RPH3A: variants seen among roughly 807,000 people sequenced by gnomAD.
RPH3A encodes rabphilin-3A.
A neutral mutation model predicts 102.2 loss-of-function variants in RPH3A; 48 were observed. The observed-to-expected ratio is 0.47, with a 90% CI of 0.37 to 0.60. RPH3A has a LOEUF of 0.60. RPH3A is among the 20% of genes least tolerant of loss of function. RPH3A has a pLI of 0.00. For missense variants in RPH3A, 781 were observed against 910.1 expected (o/e 0.86, Z 1.83); for synonymous variants, 310 against 324.3 (o/e 0.96, Z 0.47).
chr12:112,823,743 G>C (rs1302633274), intron 2 of RPH3A, among the ~76,000 whole-genome samples: 2 of 152,092 alleles, frequency 1.3e-5, no homozygotes, highest in African/African-American at 4.8e-5. Flanking sequence ...TTATGACGAT[G>C]GTTTCTCTGT....
intron 1 of RPH3A, among the ~76,000 whole-genome samples, chr12:112,664,673 A>G (rs907951150): frequency 3.9e-5 from 6 of 152,094 alleles, no homozygotes; most frequent in Non-Finnish European, 8.8e-5. Context: ...GGCAACTTCA[A>G]GTTTTGAATG....
chr12:112,677,824 G>A (rs1247816253), intron 1 of RPH3A, among the ~76,000 whole-genome samples: 1 of 152,084 alleles, frequency 6.6e-6, no homozygotes, highest in Non-Finnish European at 1.5e-5. Flanking sequence ...ACTCTAGAAT[G>A]AGTTTTTCTC....
At chr12:112,577,172 A>G (rs1361892546) in intron 1 of RPH3A, among the ~76,000 whole-genome samples, 1 of 152,214 alleles carries the variant, frequency 6.6e-6, no homozygotes, top group Non-Finnish European at 1.5e-5. Flanking sequence ...TTTTAAGAAA[A>G]TAAAGGAATA....
intron 1 of RPH3A, among the ~76,000 whole-genome samples, chr12:112,699,245 A>G (rs1017300323): frequency 1.3e-5 from 2 of 152,220 alleles, no homozygotes; most frequent in African/African-American, 4.8e-5. Flanking sequence ...TAAGGTAAAA[A>G]GTATAGTTAC....
intron 1 of RPH3A, among the ~76,000 whole-genome samples, chr12:112,711,509 G>A (rs1392877462): frequency 6.6e-6 from 1 of 152,204 alleles, no homozygotes; most frequent in African/African-American, 2.4e-5. Flanking sequence ...TGTTCTTGCA[G>A]TGTGTTGCAT....
intron 5 of RPH3A, among the ~76,000 whole-genome samples, chr12:112,863,013 G>A (rs1388867021): frequency 6.6e-6 from 1 of 152,180 alleles, no homozygotes. Flanking sequence ...CACTGGCTGT[G>A]TGTCTGGAGG....
intron 1 of RPH3A, among the ~76,000 whole-genome samples, chr12:112,711,230 G>A (rs776432493): frequency 1.5e-4 from 23 of 152,038 alleles, no homozygotes; most frequent in Admixed American, 9.2e-4. Flanking sequence ...CAGTGGCAGG[G>A]GCAGGGATTT....
chr12:112,659,993 T>C (rs1357446339), intron 1 of RPH3A, among the ~76,000 whole-genome samples: 3 of 152,210 alleles, frequency 2.0e-5, no homozygotes, highest in Admixed American at 6.5e-5. Flanking sequence ...AGGATCTGGG[T>C]ATGAGGTGTG....
chr12:112,798,246 T>A (rs970927672), intron 2 of RPH3A, among the ~76,000 whole-genome samples: 1 of 152,196 alleles, frequency 6.6e-6, no homozygotes, highest in African/African-American at 2.4e-5. Context: ...TACCACCCCC[T>A]GCAATTAATC....
At chr12:112,712,609 C>G (rs1160274772) in intron 1 of RPH3A, among the ~76,000 whole-genome samples, 4 of 151,994 alleles carry the variant, frequency 2.6e-5, no homozygotes, top group Non-Finnish European at 4.4e-5. Flanking sequence ...CATGCCCCGA[C>G]CAGAGGTAGC....
intron 1 of RPH3A, among the ~76,000 whole-genome samples, chr12:112,644,522 C>T (rs1003299865): frequency 2.6e-5 from 4 of 152,146 alleles, no homozygotes; most frequent in Non-Finnish European, 4.4e-5. Flanking sequence ...AGAAACACCT[C>T]GGACAGGCAG....
chr12:112,800,433 C>CT (rs1428082161), intron 2 of RPH3A, among the ~76,000 whole-genome samples: 1 of 152,184 alleles, frequency 6.6e-6, no homozygotes, highest in Non-Finnish European at 1.5e-5. Context: ...AGATCAGGAC[C>CT]TCCAGATCTG....
intron 1 of RPH3A, among the ~76,000 whole-genome samples, chr12:112,617,378 G>T (rs1467253628): frequency 6.6e-6 from 1 of 152,194 alleles, no homozygotes; most frequent in Non-Finnish European, 1.5e-5. Context: ...CATTTAGCCA[G>T]CCTCAGTAGG....
chr12:112,584,367 C>T (rs558959970), intron 1 of RPH3A, among the ~76,000 whole-genome samples: 1 of 152,322 alleles, frequency 6.6e-6, no homozygotes, highest in East Asian at 1.9e-4. Flanking sequence ...CTCACTCTGA[C>T]ACCGTTCTCT....
At chr12:112,666,081 T>G (rs2040081798) in intron 1 of RPH3A, among the ~76,000 whole-genome samples, 1 of 152,168 alleles carries the variant, frequency 6.6e-6, no homozygotes, top group Non-Finnish European at 1.5e-5. Flanking sequence ...ACTCGACACA[T>G]GCATTGATGT....
intron 17 of RPH3A, among the ~76,000 whole-genome samples, chr12:112,889,337 T>C (rs1011232824): frequency 6.6e-6 from 1 of 152,210 alleles, no homozygotes; most frequent in Admixed American, 6.5e-5. Context: ...CTTTGGGTCT[T>C]CCCATCTTGC....
intron 1 of RPH3A, among the ~76,000 whole-genome samples, chr12:112,695,654 C>G (rs1169390925): frequency 6.6e-6 from 1 of 152,158 alleles, no homozygotes; most frequent in Non-Finnish European, 1.5e-5. Flanking sequence ...AGGGGTATCC[C>G]CATTATATGG....
At chr12:112,605,191 AT>A (rs139620253) in intron 1 of RPH3A, among the ~76,000 whole-genome samples, 16 of 152,308 alleles carry the variant, frequency 1.1e-4, no homozygotes, top group Non-Finnish European at 1.6e-4. Context: ...CCTGGCCAAT[AT>A]GATGAAACCC....
intron 2 of RPH3A, among the ~76,000 whole-genome samples, chr12:112,804,751 C>A (rs767446444): frequency 7.9e-5 from 12 of 152,224 alleles, no homozygotes; most frequent in Non-Finnish European, 1.8e-4. Flanking sequence ...CAGCAGATAT[C>A]TCCTAGGGTT....
Sources: allele counts gnomAD v4.1 joint callset (sites outside exome capture counted in the v4.1 genomes callset), GRCh38; gene constraint gnomAD v4.1.1; transcripts MANE v1.5; gene names NCBI Gene and HGNC (gene_info 2026-07-23, HGNC 2026-07-21).